MYRIP: variants seen among roughly 807,000 people sequenced by gnomAD.
The protein encoded by MYRIP is rab effector MyRIP.
MYRIP carries 49 observed loss-of-function variants against 98.0 expected under a neutral mutation model. That is an observed-to-expected ratio of 0.50 (90% CI 0.40 to 0.63). The LOEUF is 0.63. Ranked by LOEUF, MYRIP falls within the 30% of genes least tolerant of loss-of-function variation. The pLI is 0.00. For synonymous variants in MYRIP, 404 were observed against 409.5 expected, an observed-to-expected ratio of 0.99 and a Z score of 0.16; for missense variants, 1,004 against 1,058.2, an observed-to-expected ratio of 0.95 and a Z score of 0.71.
intron 2 of MYRIP, among the ~76,000 whole-genome samples, chr3:40,023,674 A>T (rs1386320621): frequency 6.6e-6 from 1 of 152,152 alleles, no homozygotes; most frequent in Non-Finnish European, 1.5e-5. Context: ...GCAGAGCCTA[A>T]CCAACAACAG....
Position 40,259,000 on chromosome 3 carries a change from G to A in MYRIP, c.*834G>A, listed in dbSNP as rs1953687948. On this transcript the variant is annotated 3_prime_UTR_variant, in exon 17 of 17. Transcript: ENST00000302541. Reference sequence around the variant, plus strand: ...AGAGTCAACATGATGTGGTTTAGCAGTGATCACATCTAAACAAAGTTTAGG... The same window carrying A: ...AGAGTCAACATGATGTGGTTTAGCAATGATCACATCTAAACAAAGTTTAGG... The A allele has an allele frequency of 6.6e-6, 1 of 152,312 alleles. No individual in the cohort carries two copies. Among genetic ancestry groups the A allele is most frequent in the African/African-American group, 2.4e-5 (1 of 41,570 alleles). The allele number at this position is 152,312 out of a possible 1,614,324, so 9.4% of individuals were successfully genotyped here.
chr3:40,231,250 A>G (rs1177222229), intron 11 of MYRIP, among the ~76,000 whole-genome samples: 3 of 152,154 alleles, frequency 2.0e-5, no homozygotes, highest in African/African-American at 7.2e-5. Context: ...GGGCCTCCTC[A>G]CTCTGACTTA....
intron 11 of MYRIP, among the ~76,000 whole-genome samples, chr3:40,233,360 C>T (rs1380447054): frequency 2.6e-5 from 4 of 152,148 alleles, no homozygotes; most frequent in African/African-American, 9.7e-5. Context: ...TCTCATTGTA[C>T]AGATGACAAA....
At chr3:40,115,463 C>A (rs763379852) in intron 3 of MYRIP, among the ~76,000 whole-genome samples, 1 of 152,088 alleles carries the variant, frequency 6.6e-6, no homozygotes, top group African/African-American at 2.4e-5. Context: ...GCTTACAAAA[C>A]CATCAAATCT....
At chr3:40,084,748 CTATGTGTTACATGTCGATAGATAATATA>C (rs1370611573) in intron 3 of MYRIP, among the ~76,000 whole-genome samples, 24 of 137,346 alleles carry the variant, frequency 1.7e-4, no homozygotes, top group African/African-American at 5.4e-4. Context: ...TAATATGTAT[CTATGTGTTACATGTCGATAGATAATATA>C]TATGTGTTAC....
intron 3 of MYRIP, among the ~76,000 whole-genome samples, chr3:40,084,947 A>G (rs1049219904): frequency 5.8e-4 from 86 of 149,012 alleles, no homozygotes; most frequent in African/African-American, 2.1e-3. Flanking sequence ...TATGTGTTAC[A>G]TGTCGATAGA....
At chr3:39,840,886 C>G (rs796282911) in intron 1 of MYRIP, among the ~76,000 whole-genome samples, 1 of 152,086 alleles carries the variant, frequency 6.6e-6, no homozygotes, top group Admixed American at 6.5e-5. Flanking sequence ...CTCTGGCTGC[C>G]CTTAACTATT....
chr3:39,850,636 C>T (rs1437778828), intron 1 of MYRIP, among the ~76,000 whole-genome samples: 1 of 152,114 alleles, frequency 6.6e-6, no homozygotes, highest in East Asian at 1.9e-4. Context: ...AAATTTGAGC[C>T]TACTGTGTTT....
At chr3:39,908,821 T>G (rs1292068469) in intron 2 of MYRIP, among the ~76,000 whole-genome samples, 1 of 152,252 alleles carries the variant, frequency 6.6e-6, no homozygotes, top group Non-Finnish European at 1.5e-5. Flanking sequence ...TCCCTGAAGC[T>G]GGAAGACAGA....
chr3:40,168,179 T>C (rs549355709), intron 7 of MYRIP, among the ~76,000 whole-genome samples: 1 of 152,330 alleles, frequency 6.6e-6, no homozygotes, highest in Admixed American at 6.5e-5. Context: ...GACACTCCTA[T>C]CACTCAAATA....
intron 2 of MYRIP, among the ~76,000 whole-genome samples, chr3:39,934,271 T>G (rs1598994): frequency 0.034 from 5,144 of 152,256 alleles, 117 homozygotes; most frequent in Non-Finnish European, 0.054. Context: ...ACATCAGCTT[T>G]GTCTGCAAGC....
intron 2 of MYRIP, among the ~76,000 whole-genome samples, chr3:39,902,452 C>T (rs1406810550): frequency 3.3e-5 from 5 of 152,180 alleles, no homozygotes; most frequent in African/African-American, 9.6e-5. Context: ...ATCTTTCAGC[C>T]TCTTTCCTCT....
intron 3 of MYRIP, among the ~76,000 whole-genome samples, chr3:40,110,582 G>T (rs1391482849): frequency 6.6e-6 from 1 of 152,098 alleles, no homozygotes; most frequent in Non-Finnish European, 1.5e-5. Context: ...GCGTACCTGG[G>T]GATACAACAC....
chr3:40,175,396 C>G (rs899376341), intron 8 of MYRIP, among the ~76,000 whole-genome samples: 1 of 152,200 alleles, frequency 6.6e-6, no homozygotes, highest in African/African-American at 2.4e-5. Context: ...GGAAGATGAG[C>G]CACAGATACC....
At chr3:40,002,095 C>T (rs915509167) in intron 2 of MYRIP, among the ~76,000 whole-genome samples, 2 of 152,122 alleles carry the variant, frequency 1.3e-5, no homozygotes, top group African/African-American at 2.4e-5. Context: ...GTGCCTTATC[C>T]TTTTGGTGTG....
At chr3:39,862,680 T>A (rs1942508740) in intron 1 of MYRIP, among the ~76,000 whole-genome samples, 1 of 151,994 alleles carries the variant, frequency 6.6e-6, no homozygotes, top group Non-Finnish European at 1.5e-5. Flanking sequence ...GACTTAATCA[T>A]ACAATAGTAC....
intron 1 of MYRIP, among the ~76,000 whole-genome samples, chr3:39,857,255 G>GGAAGGAAGGAAGGAAGGA (rs545371213): frequency 0.24 from 32,480 of 134,568 alleles, 4,436 homozygotes; most frequent in Middle Eastern, 0.35. Flanking sequence ...GGGAGGGAGG[G>GGAAGGAAGGAAGGAAGGA]AGGAAGGAAG....
chr3:39,958,495 G>A (rs1945230173), intron 2 of MYRIP, among the ~76,000 whole-genome samples: 1 of 152,128 alleles, frequency 6.6e-6, no homozygotes, highest in Non-Finnish European at 1.5e-5. Context: ...GCTGAAACTG[G>A]ATCCCTTCTT....
At chr3:39,989,507 G>T (rs1267412426) in intron 2 of MYRIP, among the ~76,000 whole-genome samples, 1 of 152,216 alleles carries the variant, frequency 6.6e-6, no homozygotes, top group Non-Finnish European at 1.5e-5. Context: ...AGGTGGCAAG[G>T]GGAGCAGAAC....
Sources: allele counts gnomAD v4.1 joint callset (sites outside exome capture counted in the v4.1 genomes callset), GRCh38; gene constraint gnomAD v4.1.1; transcripts MANE v1.5; gene names NCBI Gene and HGNC (gene_info 2026-07-23, HGNC 2026-07-21).